Variants in SPOCK3 observed in about 807,000 individuals in gnomAD.
SPOCK3 encodes the protein testican-3.
A neutral mutation model predicts 56.6 loss-of-function variants in SPOCK3; 30 were observed. The ratio of observed to expected loss-of-function variants is 0.53; its 90% CI spans 0.40 to 0.72. The LOEUF is 0.72. Ranked by LOEUF, SPOCK3 falls within the 30% of genes least tolerant of loss-of-function variation. SPOCK3 has a pLI of 0.00. For missense variants in SPOCK3, 527 were observed against 530.0 expected (o/e 0.99, Z 0.06); for synonymous variants, 196 against 183.3 (o/e 1.07, Z -0.56).
intron 7 of SPOCK3, among the ~76,000 whole-genome samples, chr4:166,773,584 A>AT (rs535832692): frequency 6.6e-6 from 1 of 152,074 alleles, no homozygotes. Context: ...TTATGTATTC[A>AT]TTTTTTCAGT....
intron 6 of SPOCK3, among the ~76,000 whole-genome samples, chr4:166,849,403 GT>G (rs1171847397): frequency 2.7e-5 from 4 of 150,898 alleles, no homozygotes; most frequent in South Asian, 4.2e-4. Flanking sequence ...TAATTGTGTG[GT>G]TTTTTTTTGT....
At chr4:167,074,009 TTTCAAAACACTAAA>T (rs1218449556) in intron 2 of SPOCK3, among the ~76,000 whole-genome samples, 1 of 151,778 alleles carries the variant, frequency 6.6e-6, no homozygotes, top group Non-Finnish European at 1.5e-5. Flanking sequence ...ATTTCACTTT[TTTCAAAACACTAAA>T]ATAATACTGC....
chr4:167,201,185 G>A (rs1445433085), intron 2 of SPOCK3, among the ~76,000 whole-genome samples: 1 of 151,846 alleles, frequency 6.6e-6, no homozygotes, highest in Non-Finnish European at 1.5e-5. Flanking sequence ...TTAAGAATTA[G>A]GTAAGAACAT....
intron 6 of SPOCK3, among the ~76,000 whole-genome samples, chr4:166,851,599 T>A (rs1730098373): frequency 6.6e-6 from 1 of 152,164 alleles, no homozygotes; most frequent in Admixed American, 6.5e-5. Context: ...ATAACTAGAA[T>A]AACCAATACA....
At chr4:166,751,321 T>C (rs971583862) in intron 8 of SPOCK3, among the ~76,000 whole-genome samples, 18 of 152,198 alleles carry the variant, frequency 1.2e-4, no homozygotes, top group African/African-American at 4.3e-4. Context: ...AATAATGTCA[T>C]TAATTTTCAT....
chr4:166,858,991 C>G (rs965097358), intron 6 of SPOCK3, among the ~76,000 whole-genome samples: 1 of 152,068 alleles, frequency 6.6e-6, no homozygotes, highest in Non-Finnish European at 1.5e-5. Flanking sequence ...ATTTGTATCC[C>G]CTGGTAATGT....
intron 3 of SPOCK3, among the ~76,000 whole-genome samples, chr4:167,033,709 G>C (rs1442431725): frequency 6.6e-6 from 1 of 151,762 alleles, no homozygotes; most frequent in Non-Finnish European, 1.5e-5. Flanking sequence ...TTCCTTGCCT[G>C]CCTGGGCCCC....
chr4:166,947,431 CT>C (rs1398052546), intron 4 of SPOCK3, among the ~76,000 whole-genome samples: 1 of 152,140 alleles, frequency 6.6e-6, no homozygotes, highest in Non-Finnish European at 1.5e-5. Flanking sequence ...CTGTGCAGAA[CT>C]TTGTTTACTA....
intron 3 of SPOCK3, among the ~76,000 whole-genome samples, chr4:167,053,250 A>T (rs1224800454): frequency 6.6e-6 from 1 of 151,830 alleles, no homozygotes; most frequent in African/African-American, 2.4e-5. Flanking sequence ...CCCTCCCCAG[A>T]CCCTCTAATT....
At chr4:167,185,795 A>G (rs946890482) in intron 2 of SPOCK3, among the ~76,000 whole-genome samples, 11 of 152,202 alleles carry the variant, frequency 7.2e-5, no homozygotes, top group African/African-American at 2.7e-4. Flanking sequence ...ATACAATGAT[A>G]GGATTTTTTT....
chr4:167,155,016 A>G (rs1375047965), intron 2 of SPOCK3, among the ~76,000 whole-genome samples: 2 of 152,170 alleles, frequency 1.3e-5, no homozygotes, highest in African/African-American at 4.8e-5. Context: ...GTGTTAAATC[A>G]TTCATCCAAG....
intron 4 of SPOCK3, among the ~76,000 whole-genome samples, chr4:166,989,288 G>A (rs753698860): frequency 1.1e-4 from 16 of 151,936 alleles, no homozygotes; most frequent in Non-Finnish European, 1.9e-4. Flanking sequence ...CGAGACCTGT[G>A]TGGCTGTCTT....
chr4:166,774,029 T>C (rs1177700413), intron 7 of SPOCK3, among the ~76,000 whole-genome samples: 1 of 152,238 alleles, frequency 6.6e-6, no homozygotes, highest in African/African-American at 2.4e-5. Flanking sequence ...AGTTGTATTG[T>C]CCTTGTAAGG....
intron 3 of SPOCK3, among the ~76,000 whole-genome samples, chr4:167,024,438 G>T (rs1751499412): frequency 2.0e-5 from 3 of 151,920 alleles, no homozygotes; most frequent in Admixed American, 6.6e-5. Flanking sequence ...ACGTTAACTG[G>T]TTTATAAATT....
At chr4:166,766,591 A>G (rs1048450449) in intron 7 of SPOCK3, among the ~76,000 whole-genome samples, 2 of 152,164 alleles carry the variant, frequency 1.3e-5, no homozygotes, top group African/African-American at 2.4e-5. Flanking sequence ...TCGGTTTGCC[A>G]GTATCTTATT....
chr4:166,966,173 T>G (rs1744709058), intron 4 of SPOCK3, among the ~76,000 whole-genome samples: 1 of 152,134 alleles, frequency 6.6e-6, no homozygotes, highest in South Asian at 2.1e-4. Flanking sequence ...GATAGCTCAT[T>G]TCTTTTTAGA....
intron 2 of SPOCK3, among the ~76,000 whole-genome samples, chr4:167,150,000 G>A (rs1371041043): frequency 6.6e-6 from 1 of 152,002 alleles, no homozygotes; most frequent in African/African-American, 2.4e-5. Flanking sequence ...GATGAAATTG[G>A]GTGATTTGGG....
intron 5 of SPOCK3, among the ~76,000 whole-genome samples, chr4:166,906,809 A>G (rs1365010114): frequency 6.6e-6 from 1 of 151,894 alleles, no homozygotes; most frequent in African/African-American, 2.4e-5. Flanking sequence ...AGCAATATAG[A>G]AAAAAATGAA....
chr4:167,054,067 T>G (rs537742725), intron 3 of SPOCK3, among the ~76,000 whole-genome samples: 1 of 152,200 alleles, frequency 6.6e-6, no homozygotes, highest in Non-Finnish European at 1.5e-5. Flanking sequence ...CTAGAAAGCA[T>G]ATTTTCCTTC....
Sources: gnomAD v4.1 joint callset for allele counts (sites outside exome capture counted in the v4.1 genomes callset) on GRCh38, gnomAD v4.1.1 for gene constraint, MANE v1.5 for transcripts, NCBI Gene and HGNC (gene_info 2026-07-23, HGNC 2026-07-21) for gene names.